Variants in SEM1 observed in about 807,000 individuals in gnomAD.
SEM1 encodes SEM1 26S proteasome subunit.
In SEM1, 3 loss-of-function variants were observed where a neutral mutation model predicts 12.7. The observed-to-expected ratio is 0.24, with a 90% CI of 0.11 to 0.61. The LOEUF is 0.61. Ranked by LOEUF, SEM1 falls within the 20% of genes least tolerant of loss-of-function variation. The pLI is 0.88. For missense variants in SEM1, 59 were observed against 81.3 expected, an observed-to-expected ratio of 0.73 and a Z score of 1.06; for synonymous variants, 30 against 27.8, an observed-to-expected ratio of 1.08 and a Z score of -0.25.
intron 2 of SEM1, among the ~76,000 whole-genome samples, chr7:96,538,908 T>C (rs1386541866): frequency 6.6e-6 from 1 of 151,870 alleles, no homozygotes; most frequent in African/African-American, 2.4e-5. Context: ...TCCTCTTTTC[T>C]AGTCAGAACC....
intron 2 of SEM1, among the ~76,000 whole-genome samples, chr7:96,519,159 G>C (rs900809345): frequency 1.3e-5 from 2 of 152,130 alleles, no homozygotes; most frequent in Non-Finnish European, 2.9e-5. Flanking sequence ...ATGTAATTGG[G>C]TGTGAAGAAA....
At chr7:96,547,034 T>C (rs1045759210) in intron 2 of SEM1, among the ~76,000 whole-genome samples, 5 of 152,108 alleles carry the variant, frequency 3.3e-5, no homozygotes, top group Non-Finnish European at 7.4e-5. Context: ...AATGCAGAAA[T>C]GTGAGCTTAG....
In SEM1 at chr7:96,694,598, GAATAA is replaced by G. The variant is rs886838810; in HGVS notation, c.170+195_170+199del. Among the ~76,000 whole-genome samples, 3 of 151,896 alleles carry G rather than the reference GAATAA, an allele frequency of 2.0e-5. 1 individual carries two copies. The highest frequency in any genetic ancestry group is 4.4e-5 in the Non-Finnish European group (3 of 67,810). ...ACTACCTTTGTAAAAAGACCAGAAA[GAATAA>G]AAGTTGTATGCAATTACACAAAGTG... On this transcript the variant is annotated intron_variant, in intron 2 of 2. Transcript: ENST00000248566.
intron 2 of SEM1, among the ~76,000 whole-genome samples, chr7:96,539,073 TTCAAGG>T (rs1388754329): frequency 6.6e-6 from 1 of 151,830 alleles, no homozygotes; most frequent in Non-Finnish European, 1.5e-5. Context: ...AGCTAGCATG[TTCAAGG>T]TTCCAATCTG....
At chr7:96,615,998 G>A (rs1265564020) in intron 2 of SEM1, among the ~76,000 whole-genome samples, 1 of 152,136 alleles carries the variant, frequency 6.6e-6, no homozygotes, top group Non-Finnish European at 1.5e-5. Context: ...ATAGTACTGT[G>A]ATAGACATAT....
chr7:96,632,255 A>G lies in SEM1; in HGVS notation c.171-9612T>C, dbSNP rs766482840. Among the ~76,000 whole-genome samples, 20 of 152,328 alleles carry G rather than the reference A, an allele frequency of 1.3e-4. No individual in the cohort carries two copies. In the East Asian group the frequency reaches 1.9e-3, roughly 15 times the overall value. ...TTCTACTATAAAGACACATGCACAC[A>G]TATGTTTATTGTGGCACTGGTCACA... On this transcript the variant is annotated intron_variant, in intron 2 of 2. Transcript: ENST00000417009.
At chr7:96,560,982 A>G (rs1805673621) in intron 2 of SEM1, among the ~76,000 whole-genome samples, 1 of 152,048 alleles carries the variant, frequency 6.6e-6, no homozygotes, top group South Asian at 2.1e-4. Context: ...GGGTCTTGCT[A>G]TATTGCCAAG....
downstream of SEM1, among the ~76,000 whole-genome samples, chr7:96,618,268 G>A (rs993294495): frequency 3.9e-5 from 6 of 152,132 alleles, no homozygotes; most frequent in Admixed American, 1.3e-4. Flanking sequence ...GAGGTTGCAT[G>A]TTTCCAGAAT....
intron 2 of SEM1, among the ~76,000 whole-genome samples, chr7:96,567,757 T>G: frequency 6.6e-6 from 1 of 151,746 alleles, no homozygotes; most frequent in Admixed American, 6.6e-5. Flanking sequence ...TAATATAAAT[T>G]TTCTCTTCTG....
chr7:96,560,317 T>A (rs1293977221), intron 2 of SEM1, among the ~76,000 whole-genome samples: 3 of 152,196 alleles, frequency 2.0e-5, no homozygotes, highest in Non-Finnish European at 4.4e-5. Context: ...TAGAGTACCA[T>A]TTATTATACG....
In SEM1 at chr7:96,648,414, G is replaced by A. The variant is rs149780313; in HGVS notation, c.171-25771C>T. ...GCTGAAAAAACTGACAGAATTTCCC[G>A]AGTTCTAACATGACTTTTAATTTCT... On this transcript the variant is annotated intron_variant, in intron 2 of 2. Coordinates refer to the SEM1 transcript ENST00000417009. Among the ~76,000 whole-genome samples, 4 of 152,246 alleles carry A rather than the reference G, an allele frequency of 2.6e-5. No individual in the cohort carries two copies. In the East Asian group the frequency reaches 7.7e-4, roughly 29 times the overall value.
intron 2 of SEM1, among the ~76,000 whole-genome samples, chr7:96,663,456 A>C (rs898573596): frequency 6.6e-6 from 1 of 152,220 alleles, no homozygotes; most frequent in Non-Finnish European, 1.5e-5. Flanking sequence ...AAGGAGCAGC[A>C]GTGTGGGGGA....
intron 2 of SEM1, among the ~76,000 whole-genome samples, chr7:96,578,308 C>A (rs529282662): frequency 1.3e-5 from 2 of 150,882 alleles, no homozygotes; most frequent in Non-Finnish European, 3.0e-5. Flanking sequence ...CATTTAGATA[C>A]GCAATGAAAC....
intron 2 of SEM1, among the ~76,000 whole-genome samples, chr7:96,522,362 A>G (rs1338380171): frequency 6.6e-6 from 1 of 152,062 alleles, no homozygotes; most frequent in Non-Finnish European, 1.5e-5. Context: ...AGCTTCTCCT[A>G]TTTGGCAGTT....
intron 2 of SEM1, among the ~76,000 whole-genome samples, chr7:96,611,448 G>A (rs192358447): frequency 7.3e-4 from 111 of 152,328 alleles, no homozygotes; most frequent in Non-Finnish European, 1.4e-3. Flanking sequence ...CTCCATGACA[G>A]TCATGCCATG....
At chr7:96,619,851 G>T (rs141401299), downstream of SEM1, among the ~76,000 whole-genome samples, 341 of 152,250 alleles carry the variant, frequency 2.2e-3, 4 homozygotes, top group Non-Finnish European at 4.2e-3. Flanking sequence ...ATGGGTGGCA[G>T]GTGCAGCCAC....
At chr7:96,611,249 G>T (rs752602475) in intron 2 of SEM1, among the ~76,000 whole-genome samples, 1 of 152,062 alleles carries the variant, frequency 6.6e-6, no homozygotes, top group Non-Finnish European at 1.5e-5. Flanking sequence ...TGCTTTTCCC[G>T]CATGATGCCC....
rs576500794 is a variant in SEM1 at position 96,515,468 on chromosome 7, C to T, written c.171-8770G>A. On this transcript the variant is annotated intron_variant and NMD_transcript_variant, in intron 2 of 3. Coordinates refer to the SEM1 transcript ENST00000466986. ...TCAACCATTGTGGAAGACAGTGTGG[C>T]AATTCCTCAAGGATCTAGAAATAGA... is the stretch of plus-strand genomic sequence containing the variant. Among the ~76,000 whole-genome samples, 3 of 152,240 alleles carry T rather than the reference C, an allele frequency of 2.0e-5. No homozygotes were observed. The East Asian group carries it at 5.8e-4, about 29-fold the overall frequency.
intron 2 of SEM1, among the ~76,000 whole-genome samples, chr7:96,585,866 C>T (rs991097010): frequency 3.9e-5 from 6 of 152,226 alleles, no homozygotes; most frequent in African/African-American, 1.2e-4. Flanking sequence ...CGCCCACTGT[C>T]TGGCACTCCC....
Sources: gnomAD v4.1 joint callset for allele counts (sites outside exome capture counted in the v4.1 genomes callset) on GRCh38, gnomAD v4.1.1 for gene constraint, MANE v1.5 for transcripts, NCBI Gene and HGNC (gene_info 2026-07-23, HGNC 2026-07-21) for gene names.